The following AMOTL1 variants were observed in gnomAD, a reference collection of about 807,000 sequenced individuals.
AMOTL1 encodes angiomotin like 1.
AMOTL1 carries 45 observed loss-of-function variants against 102.9 expected under a neutral mutation model. That is an observed-to-expected ratio of 0.44 (90% CI 0.34 to 0.56). The LOEUF (loss-of-function observed/expected upper bound fraction) is 0.56, where lower values mean the gene tolerates loss of function less well. Ranked by LOEUF, AMOTL1 falls within the 20% of genes least tolerant of loss-of-function variation. AMOTL1 has a pLI of 0.01. For synonymous variants in AMOTL1, 481 were observed against 484.7 expected (o/e 0.99, Z 0.10); for missense variants, 1,114 against 1,225.6 (o/e 0.91, Z 1.36).
At chr11:94,731,982 C>T (rs1365484724) in intron 2 of AMOTL1, among the ~76,000 whole-genome samples, 1 of 152,226 alleles carries the variant, frequency 6.6e-6, no homozygotes, top group Non-Finnish European at 1.5e-5. Context: ...CTCATCCAAG[C>T]TCACAGCAGG....
intron 1 of AMOTL1, among the ~76,000 whole-genome samples, chr11:94,778,535 A>T (rs970937183): frequency 3.9e-5 from 6 of 152,228 alleles, no homozygotes; most frequent in Non-Finnish European, 7.3e-5. Flanking sequence ...TAGGGATCTT[A>T]ATTACACCTA....
chr11:94,827,418 C>A (rs1009100829), intron 4 of AMOTL1, among the ~76,000 whole-genome samples: 1 of 152,136 alleles, frequency 6.6e-6, no homozygotes, highest in Non-Finnish European at 1.5e-5. Context: ...CTGTGACATG[C>A]CCAGCTGTCT....
chr11:94,778,952 T>C (rs1951066856), intron 1 of AMOTL1, among the ~76,000 whole-genome samples: 1 of 152,308 alleles, frequency 6.6e-6, no homozygotes, highest in Non-Finnish European at 1.5e-5. Flanking sequence ...AGAAATTGGA[T>C]GGAAACTGCA....
chr11:94,746,976 T>A (rs943795389), intron 3 of AMOTL1, among the ~76,000 whole-genome samples: 1 of 151,972 alleles, frequency 6.6e-6, no homozygotes, highest in African/African-American at 2.4e-5. Flanking sequence ...TTCAGTTGTA[T>A]ATCTCTAAGA....
chr11:94,825,032 G>C (rs546967492), intron 4 of AMOTL1, among the ~76,000 whole-genome samples: 1 of 152,186 alleles, frequency 6.6e-6, no homozygotes, highest in Non-Finnish European at 1.5e-5. Context: ...GTTAATGTTG[G>C]AATGATGGTC....
chr11:94,727,410 C>T (rs1372135780), intron 1 of AMOTL1, among the ~76,000 whole-genome samples: 1 of 152,102 alleles, frequency 6.6e-6, no homozygotes, highest in Non-Finnish European at 1.5e-5. Context: ...TTTAGTTTTG[C>T]ACAGAGAACG....
intron 3 of AMOTL1, among the ~76,000 whole-genome samples, chr11:94,803,935 T>C (rs1951524319): frequency 6.6e-6 from 1 of 152,242 alleles, no homozygotes; most frequent in African/African-American, 2.4e-5. Context: ...AATTATATTG[T>C]TTAGTATCCT....
At chr11:94,830,025 CT>C (rs1328465370) in intron 4 of AMOTL1, 24 bp from the exon 5 acceptor site, 9 of 1,574,640 alleles carry the variant, frequency 5.7e-6, no homozygotes, top group East Asian at 2.3e-5. Flanking sequence ...AAAGGTACCA[CT>C]TTAATGCCAG....
At chr11:94,768,210 G>C (rs532872071), upstream of AMOTL1, 357 of 1,090,144 alleles carry the variant, frequency 3.3e-4, 2 homozygotes, top group Middle Eastern at 2.3e-3. Flanking sequence ...TCGCGGCCCG[G>C]GGAGGGGCGG....
At chr11:94,807,223 A>T (rs959758397) in intron 3 of AMOTL1, among the ~76,000 whole-genome samples, 1 of 152,196 alleles carries the variant, frequency 6.6e-6, no homozygotes, top group Non-Finnish European at 1.5e-5. Context: ...CCCTCTGTTC[A>T]CTATGTTGCT....
intron 1 of AMOTL1, among the ~76,000 whole-genome samples, chr11:94,716,730 G>T (rs1950103663): frequency 6.6e-6 from 1 of 152,104 alleles, no homozygotes; most frequent in African/African-American, 2.4e-5. Context: ...CCTACCTGTT[G>T]TCTTGGATAT....
At chr11:94,765,316 T>G (rs1300442532), upstream of AMOTL1, among the ~76,000 whole-genome samples, 3 of 152,210 alleles carry the variant, frequency 2.0e-5, no homozygotes, top group African/African-American at 7.2e-5. Flanking sequence ...AAACATACTT[T>G]GTTTCCATTA....
chr11:94,807,601 T>C (rs1029719862), intron 3 of AMOTL1, among the ~76,000 whole-genome samples: 1 of 152,292 alleles, frequency 6.6e-6, no homozygotes, highest in East Asian at 1.9e-4. Flanking sequence ...CCTTCCGGTC[T>C]TTTTTTCCTT....
At chr11:94,780,625 G>A (rs1951096476) in intron 1 of AMOTL1, among the ~76,000 whole-genome samples, 1 of 152,172 alleles carries the variant, frequency 6.6e-6, no homozygotes, top group Admixed American at 6.5e-5. Flanking sequence ...GGTGATTCCT[G>A]TTATCTTTTC....
chr11:94,865,035 G>T (rs564120336), intron 10 of AMOTL1, among the ~76,000 whole-genome samples, 175 bp downstream of exon 10: 24 of 152,290 alleles, frequency 1.6e-4, no homozygotes, highest in African/African-American at 5.5e-4. Context: ...TAAGCACGTG[G>T]TTCCACTCAG....
intron 8 of AMOTL1, among the ~76,000 whole-genome samples, chr11:94,854,832 A>G (rs532234279): frequency 6.6e-6 from 1 of 152,282 alleles, no homozygotes; most frequent in Admixed American, 6.5e-5. Flanking sequence ...TCAGAAGTAA[A>G]GGAGAGGAAG....
chr11:94,805,878 A>G (rs1951559938), intron 3 of AMOTL1, among the ~76,000 whole-genome samples: 1 of 152,232 alleles, frequency 6.6e-6, no homozygotes, highest in South Asian at 2.1e-4. Flanking sequence ...TTCCTGTCGT[A>G]AAGCAGACTT....
chr11:94,841,488 A>G (rs78812756), intron 6 of AMOTL1, among the ~76,000 whole-genome samples: 13,553 of 152,212 alleles, frequency 0.089, 778 homozygotes, highest in East Asian at 0.17. Flanking sequence ...GCAAAAAAGC[A>G]CTTTTCTTCA....
chr11:94,753,803 A>C (rs1465506638), intron 3 of AMOTL1, among the ~76,000 whole-genome samples: 1 of 152,220 alleles, frequency 6.6e-6, no homozygotes, highest in East Asian at 1.9e-4. Flanking sequence ...GTTTAACTAC[A>C]AAACCTTAGC....
Sources: allele counts gnomAD v4.1 joint callset (sites outside exome capture counted in the v4.1 genomes callset), GRCh38; gene constraint gnomAD v4.1.1; transcripts MANE v1.5; gene names NCBI Gene and HGNC (gene_info 2026-07-23, HGNC 2026-07-21).